The following CSMD1 variants were observed in gnomAD, a reference collection of about 807,000 sequenced individuals.
CSMD1 encodes the protein CUB and Sushi multiple domains 1, also known as CUB and sushi domain-containing protein 1.
CSMD1 carries 213 observed loss-of-function variants against 417.5 expected under a neutral mutation model. That is an observed-to-expected ratio of 0.51 (90% CI 0.46 to 0.57). The LOEUF (loss-of-function observed/expected upper bound fraction) is 0.57, where lower values mean the gene tolerates loss of function less well. Ranked by LOEUF, CSMD1 falls within the 20% of genes least tolerant of loss-of-function variation. The probability of loss-of-function intolerance (pLI) is 0.00; values close to 1 mark genes in which losing one functional copy is unlikely to be tolerated. For missense variants in CSMD1, 6,923 were observed against 4,529.7 expected (o/e 1.53, Z -15.17); for synonymous variants, 2,862 against 1,736.8 (o/e 1.65, Z -16.11).
chr8:3,524,868 T>C (rs1176935822), intron 10 of CSMD1, among the ~76,000 whole-genome samples: 1 of 149,950 alleles, frequency 6.7e-6, no homozygotes, highest in Non-Finnish European at 1.5e-5. Context: ...TTAACATCAC[T>C]GTATTTAAGA....
chr8:3,480,698 C>T (rs1465252337), intron 11 of CSMD1, among the ~76,000 whole-genome samples: 2 of 151,980 alleles, frequency 1.3e-5, no homozygotes, highest in East Asian at 3.9e-4. Context: ...AAAATGTTAC[C>T]TACAGGATAA....
chr8:4,680,487 A>G (rs557347623), intron 1 of CSMD1, among the ~76,000 whole-genome samples: 1 of 152,172 alleles, frequency 6.6e-6, no homozygotes, highest in Non-Finnish European at 1.5e-5. Context: ...CACTGGGCAG[A>G]TGCATTAAAT....
chr8:4,668,092 T>C (rs35981593), intron 1 of CSMD1, among the ~76,000 whole-genome samples: 125 of 152,304 alleles, frequency 8.2e-4, no homozygotes, highest in Non-Finnish European at 1.3e-3. Flanking sequence ...TTATTCTACC[T>C]TGCACGTGTA....
chr8:4,173,491 C>G (rs1714753), intron 3 of CSMD1, among the ~76,000 whole-genome samples: 81,889 of 151,760 alleles, frequency 0.54, 22,614 homozygotes, highest in East Asian at 0.7. Flanking sequence ...AGAGACACAG[C>G]TAAGTGCTCT....
At chr8:4,940,303 G>C (rs571089300) in intron 1 of CSMD1, among the ~76,000 whole-genome samples, 2 of 152,236 alleles carry the variant, frequency 1.3e-5, no homozygotes, top group South Asian at 2.1e-4. Context: ...AAATGATATG[G>C]CTTCAATCTG....
intron 1 of CSMD1, among the ~76,000 whole-genome samples, chr8:4,917,367 G>C (rs1165499143): frequency 6.6e-6 from 1 of 152,176 alleles, no homozygotes; most frequent in East Asian, 1.9e-4. Flanking sequence ...GGGTGCGGCG[G>C]CTCACGCCTG....
At chr8:4,926,721 A>T (rs1274558866) in intron 1 of CSMD1, among the ~76,000 whole-genome samples, 1 of 152,094 alleles carries the variant, frequency 6.6e-6, no homozygotes, top group Non-Finnish European at 1.5e-5. Context: ...ACTTTACAGG[A>T]CTTTACAATC....
chr8:2,938,783 T>G (rs766473193), intron 69 of CSMD1, 39 bp from the exon 70 acceptor site: 4 of 1,554,484 alleles, frequency 2.6e-6, no homozygotes, highest in South Asian at 2.4e-5. Context: ...AATCCTGGTT[T>G]CATTTGCAGA....
chr8:4,753,747 G>C (rs1039148351), intron 1 of CSMD1, among the ~76,000 whole-genome samples: 4 of 152,176 alleles, frequency 2.6e-5, no homozygotes, highest in Non-Finnish European at 1.5e-5. Flanking sequence ...AGTATAAACA[G>C]TTTACATTCT....
chr8:4,390,497 T>TTTTATTTACTTATTTATTTA (rs1803772126), intron 3 of CSMD1, among the ~76,000 whole-genome samples: 2 of 140,324 alleles, frequency 1.4e-5, no homozygotes, highest in Non-Finnish European at 3.1e-5. Context: ...AAGCGTCCAT[T>TTTTATTTACTTATTTATTTA]TTTATTTATT....
rs968326306 is a variant in CSMD1 at position 4,319,258 on chromosome 8, C to T, written c.415+100695G>A. 2.0e-5 allele frequency among the ~76,000 whole-genome samples: 3 copies of T among 152,002 alleles called. No individual in the cohort carries two copies. The East Asian group carries it at 5.8e-4, about 29-fold the overall frequency. On this transcript the variant is annotated intron_variant, in intron 3 of 69. Coordinates refer to ENST00000635120, the MANE Select transcript of CSMD1 (RefSeq NM_033225.6). ...ACAGTCATTTTTCCCTTTTGCTTTCCTTCAATTTATCTTAGTAATGTCCTT... is the reference window on the plus strand; with the variant it reads ...ACAGTCATTTTTCCCTTTTGCTTTCTTTCAATTTATCTTAGTAATGTCCTT...
chr8:3,328,312 G>C (rs1008660116), intron 23 of CSMD1, among the ~76,000 whole-genome samples: 12 of 152,104 alleles, frequency 7.9e-5, no homozygotes, highest in Non-Finnish European at 1.6e-4. Flanking sequence ...CTGGAGCTCT[G>C]CCTGCCTATA....
At chr8:3,233,688 T>C (rs1024919933) in intron 26 of CSMD1, among the ~76,000 whole-genome samples, 1 of 152,196 alleles carries the variant, frequency 6.6e-6, no homozygotes, top group Non-Finnish European at 1.5e-5. Flanking sequence ...CTGAATCCGA[T>C]AAGAATTCCA....
At chr8:4,241,960 T>G (rs1910719) in intron 3 of CSMD1, among the ~76,000 whole-genome samples, 139,968 of 152,228 alleles carry the variant, frequency 0.92, 65,518 homozygotes, top group East Asian at 1. Flanking sequence ...AGTATAAGTT[T>G]TCAAACGGAT....
At chr8:3,878,397 G>C (rs1302868406) in intron 5 of CSMD1, among the ~76,000 whole-genome samples, 1 of 152,036 alleles carries the variant, frequency 6.6e-6, no homozygotes, top group East Asian at 1.9e-4. Flanking sequence ...GCCTCTAAGA[G>C]TCTCCCACAT....
chr8:4,689,562 A>G (rs768166900), intron 1 of CSMD1, among the ~76,000 whole-genome samples: 5 of 152,222 alleles, frequency 3.3e-5, no homozygotes, highest in Non-Finnish European at 7.3e-5. Flanking sequence ...TTCAAGTTAC[A>G]ATACATTTTT....
chr8:4,622,861 T>C (rs1328399884), intron 2 of CSMD1, among the ~76,000 whole-genome samples: 3 of 152,124 alleles, frequency 2.0e-5, no homozygotes, highest in Admixed American at 2.0e-4. Flanking sequence ...TCCATAAAAA[T>C]TTCTCATGGA....
intron 3 of CSMD1, among the ~76,000 whole-genome samples, chr8:4,095,540 C>T (rs1050468176): frequency 6.6e-6 from 1 of 152,116 alleles, no homozygotes; most frequent in African/African-American, 2.4e-5. Flanking sequence ...TGTAAACATG[C>T]AACTTTTAAG....
intron 1 of CSMD1, among the ~76,000 whole-genome samples, chr8:4,893,081 G>A (rs1334458064): frequency 5.9e-5 from 9 of 152,026 alleles, no homozygotes; most frequent in African/African-American, 1.9e-4. Flanking sequence ...TCCCCTCCAG[G>A]GCTCGTCACT....
Sources: gnomAD v4.1 joint callset for allele counts (sites outside exome capture counted in the v4.1 genomes callset) on GRCh38, gnomAD v4.1.1 for gene constraint, MANE v1.5 for transcripts, NCBI Gene and HGNC (gene_info 2026-07-23, HGNC 2026-07-21) for gene names.